The following SLC38A6 variants were observed in gnomAD, a reference collection of about 807,000 sequenced individuals.
SLC38A6 encodes solute carrier family 38 member 6.
A neutral mutation model predicts 65.0 loss-of-function variants in SLC38A6; 73 were observed. The observed-to-expected ratio is 1.12, with a 90% CI of 0.93 to 1.37. The LOEUF is 1.37. Among genes scored for constraint, SLC38A6 ranks in the 40% most tolerant of loss-of-function variants. SLC38A6 has a pLI of 0.00. For missense variants in SLC38A6, 561 were observed against 531.1 expected, an observed-to-expected ratio of 1.06 and a Z score of -0.55; for synonymous variants, 183 against 178.8, an observed-to-expected ratio of 1.02 and a Z score of -0.19.
chr14:61,047,745 T>G (rs2042239034), intron 12 of SLC38A6, among the ~76,000 whole-genome samples: 1 of 152,136 alleles, frequency 6.6e-6, no homozygotes, highest in East Asian at 1.9e-4. Context: ...AGATGGCATG[T>G]TTCCTAGACA....
At chr14:61,064,118 C>T (rs894171504) in intron 15 of SLC38A6, among the ~76,000 whole-genome samples, 5 of 152,200 alleles carry the variant, frequency 3.3e-5, no homozygotes, top group Non-Finnish European at 7.3e-5. Flanking sequence ...TGCTTTCCCA[C>T]AGTTTACCTC....
intron 15 of SLC38A6, among the ~76,000 whole-genome samples, chr14:61,074,891 G>A (rs901885288): frequency 6.6e-6 from 1 of 151,802 alleles, no homozygotes; most frequent in African/African-American, 2.4e-5. Context: ...AGTCATTTAG[G>A]TATGAACGGT....
At chr14:61,062,677 G>A (rs2042891913) in intron 15 of SLC38A6, among the ~76,000 whole-genome samples, 1 of 151,734 alleles carries the variant, frequency 6.6e-6, no homozygotes, top group Admixed American at 6.6e-5. Context: ...TTATATTTCT[G>A]GGGTTTTGTT....
intron 3 of SLC38A6, among the ~76,000 whole-genome samples, chr14:60,992,581 A>T (rs1333234613): frequency 6.6e-6 from 1 of 152,196 alleles, no homozygotes; most frequent in East Asian, 1.9e-4. Context: ...AGTGCTGGGT[A>T]ATCCTGCCTG....
intron 15 of SLC38A6, among the ~76,000 whole-genome samples, chr14:61,061,953 T>C (rs1347942096): frequency 6.6e-6 from 1 of 152,164 alleles, no homozygotes; most frequent in Non-Finnish European, 1.5e-5. Flanking sequence ...TTCTCATGCC[T>C]CAGCCTCCCC....
At chr14:60,989,465 C>T (rs933999826) in intron 3 of SLC38A6, among the ~76,000 whole-genome samples, 7 of 152,128 alleles carry the variant, frequency 4.6e-5, no homozygotes, top group South Asian at 2.1e-4. Context: ...GTCTCATGCC[C>T]GTAATCCTAG....
At chr14:61,075,676 A>G (rs1406548786) in intron 15 of SLC38A6, among the ~76,000 whole-genome samples, 1 of 151,956 alleles carries the variant, frequency 6.6e-6, no homozygotes, top group Non-Finnish European at 1.5e-5. Context: ...CAGTTCTAGA[A>G]TTTCTAACAT....
chr14:61,000,070 G>T (rs2038597005), intron 3 of SLC38A6, among the ~76,000 whole-genome samples: 1 of 152,136 alleles, frequency 6.6e-6, no homozygotes, highest in South Asian at 2.1e-4. Flanking sequence ...TTCCATTTAG[G>T]AAACAATTTT....
At chr14:61,073,932 T>G (rs2043312901) in intron 15 of SLC38A6, 1 of 152,096 alleles carries the variant, frequency 6.6e-6, no homozygotes, top group Non-Finnish European at 1.5e-5. Context: ...TGATCCAGTT[T>G]CACTTAATAG....
chr14:61,019,505 C>T, intron 4 of SLC38A6, 36 bp from the exon 5 acceptor site: 1 of 1,604,244 alleles, frequency 6.2e-7, no homozygotes, highest in Non-Finnish European at 8.5e-7. Flanking sequence ...ATATTGTTTC[C>T]CCTTCTATCT....
intron 3 of SLC38A6, chr14:61,001,981 A>G (rs2139382820): frequency 6.6e-6 from 1 of 152,228 alleles, no homozygotes; most frequent in African/African-American, 2.4e-5. Context: ...CAGATTGACA[A>G]TATTTACTTT....
At chr14:61,017,237 T>A (rs1207501594) in intron 4 of SLC38A6, among the ~76,000 whole-genome samples, 1 of 152,166 alleles carries the variant, frequency 6.6e-6, no homozygotes, top group East Asian at 1.9e-4. Context: ...GACAGATTTC[T>A]CTATGTTGGT....
At chr14:61,004,122 AT>A (rs2139401685) in intron 3 of SLC38A6, among the ~76,000 whole-genome samples, 1 of 152,254 alleles carries the variant, frequency 6.6e-6, no homozygotes, top group African/African-American at 2.4e-5. Flanking sequence ...TTGTGTTTTA[AT>A]TTTTTAAATT....
At chr14:61,050,429 A>G (rs1423851482) in intron 12 of SLC38A6, 83 bp from the exon 13 acceptor site, 4 of 898,434 alleles carry the variant, frequency 4.5e-6, no homozygotes, top group South Asian at 4.2e-5. Context: ...ATCTGTTATC[A>G]TCCATTAGTG....
intron 15 of SLC38A6, among the ~76,000 whole-genome samples, chr14:61,061,541 C>T (rs2139912210): frequency 6.6e-6 from 1 of 152,266 alleles, no homozygotes; most frequent in Non-Finnish European, 1.5e-5. Context: ...TTCCACTGAT[C>T]ATTTTACTGT....
intron 15 of SLC38A6, among the ~76,000 whole-genome samples, chr14:61,071,035 C>G (rs979387544): frequency 1.3e-5 from 2 of 152,090 alleles, no homozygotes; most frequent in Non-Finnish European, 2.9e-5. Flanking sequence ...AGAATCTCTT[C>G]TGTTGGATGT....
intron 12 of SLC38A6, 91 bp from the exon 13 acceptor site, chr14:61,050,421 C>G (rs2042439187): frequency 2.4e-6 from 2 of 816,524 alleles, no homozygotes; most frequent in Non-Finnish European, 3.4e-6. Flanking sequence ...AATCTAAAAT[C>G]TGTTATCATC....
intron 5 of SLC38A6, among the ~76,000 whole-genome samples, chr14:61,024,580 A>G (rs1268657846): frequency 6.6e-6 from 1 of 152,254 alleles, no homozygotes; most frequent in Non-Finnish European, 1.5e-5. Flanking sequence ...TAATAACTGT[A>G]GTAGAAAGTA....
chr14:60,999,701 T>C (rs1595006437), intron 3 of SLC38A6, among the ~76,000 whole-genome samples: 1 of 152,180 alleles, frequency 6.6e-6, no homozygotes, highest in African/African-American at 2.4e-5. Context: ...ACATGTATCA[T>C]GGAGGGAATA....
Sources: allele counts gnomAD v4.1 joint callset (sites outside exome capture counted in the v4.1 genomes callset), GRCh38; gene constraint gnomAD v4.1.1; transcripts MANE v1.5; gene names NCBI Gene and HGNC (gene_info 2026-07-23, HGNC 2026-07-21).